Variants in ESRRB observed in about 807,000 individuals in gnomAD.
The protein encoded by ESRRB is estrogen related receptor beta.
A neutral mutation model predicts 46.0 loss-of-function variants in ESRRB; 16 were observed. The observed-to-expected ratio is 0.35, with a 90% CI of 0.24 to 0.53. The LOEUF (loss-of-function observed/expected upper bound fraction) is 0.53. ESRRB is among the 20% of genes least tolerant of loss of function. The probability of loss-of-function intolerance (pLI) is 0.93; values close to 1 mark genes in which losing one functional copy is unlikely to be tolerated. For synonymous variants in ESRRB, 246 were observed against 259.6 expected, an observed-to-expected ratio of 0.95 and a Z score of 0.50; for missense variants, 488 against 607.4, an observed-to-expected ratio of 0.80 and a Z score of 2.07.
Position 76,376,397 on chromosome 14 carries a change from G to A in ESRRB, c.-5G>A, listed in dbSNP as rs1323314713. 3 of 1,231,584 alleles carry A rather than the reference G, an allele frequency of 2.4e-6. No individual in the cohort carries two copies. The African/African-American group carries it at 4.7e-5, about 19-fold the overall frequency. The allele number at this position is 1,231,584 out of a possible 1,614,324, so 76.3% of individuals were successfully genotyped here. ...CTACCAACTGGGAATGCTAAAACGG[G>A]ACTGATGGACGTGTCCGAACTCTGC... On this transcript the variant is annotated 5_prime_UTR_variant, in exon 1 of 7. Transcript: ENST00000644823. This position sits in a 1 kb window ranked among gnomAD's most constrained non-coding sequence, Gnocchi z 4.1.
chr14:76,394,686 T>A (rs1885601631), intron 1 of ESRRB, among the ~76,000 whole-genome samples: 1 of 152,202 alleles, frequency 6.6e-6, no homozygotes, highest in Admixed American at 6.5e-5. Flanking sequence ...TTGCATCTTG[T>A]GGATGCAAAT....
intron 1 of ESRRB, among the ~76,000 whole-genome samples, chr14:76,325,702 G>A (rs1883921375): frequency 6.6e-6 from 1 of 152,138 alleles, no homozygotes; most frequent in Admixed American, 6.5e-5. Context: ...ACTCAAGCCT[G>A]GTTGCCTCTT....
intron 1 of ESRRB, among the ~76,000 whole-genome samples, chr14:76,352,718 G>T (rs1362809825): frequency 6.6e-6 from 1 of 152,232 alleles, no homozygotes; most frequent in Non-Finnish European, 1.5e-5. Flanking sequence ...GGTGAGTATT[G>T]TGTAAGTTTG....
chr14:76,345,412 T>C (rs1180519027), intron 1 of ESRRB, among the ~76,000 whole-genome samples: 1 of 152,072 alleles, frequency 6.6e-6, no homozygotes, highest in Non-Finnish European at 1.5e-5. Context: ...CAAAAGAAGA[T>C]ACACAAATGG....
intron 1 of ESRRB, among the ~76,000 whole-genome samples, chr14:76,325,122 G>A (rs574338144): frequency 7.2e-5 from 11 of 151,896 alleles, no homozygotes; most frequent in African/African-American, 1.7e-4. Flanking sequence ...GTGCCACCAC[G>A]CCTAGCTAAT....
At chr14:76,332,592 ATT>A (rs1884030512) in intron 1 of ESRRB, among the ~76,000 whole-genome samples, 1 of 24,898 alleles carries the variant, frequency 4.0e-5, no homozygotes, top group Non-Finnish European at 7.3e-5. Flanking sequence ...ATATTTATAT[ATT>A]ATATATTATA....
upstream of ESRRB, among the ~76,000 whole-genome samples, chr14:76,370,398 C>T (rs1413682042): frequency 7.5e-6 from 1 of 133,002 alleles, no homozygotes; most frequent in Non-Finnish European, 1.6e-5. Context: ...AACTCTGTCT[C>T]AAAAAAAAAA....
intron 1 of ESRRB, among the ~76,000 whole-genome samples, chr14:76,427,301 G>A (rs1566892318): frequency 6.6e-6 from 1 of 152,012 alleles, no homozygotes; most frequent in African/African-American, 2.4e-5. Context: ...GCAGATATAG[G>A]ATGTCTCTAA....
upstream of ESRRB, among the ~76,000 whole-genome samples, chr14:76,367,338 C>T (rs530975030): frequency 6.6e-6 from 1 of 152,152 alleles, no homozygotes; most frequent in South Asian, 2.1e-4. Flanking sequence ...TAGGATCACT[C>T]GAGCACAGGA....
At chr14:76,389,871 G>A (rs113643472) in intron 1 of ESRRB, among the ~76,000 whole-genome samples, 21 of 152,088 alleles carry the variant, frequency 1.4e-4, no homozygotes, top group Admixed American at 3.9e-4. Context: ...TTCACTTTAC[G>A]TTCTTGCCAT....
At chr14:76,348,638 T>C (rs1884277333) in intron 1 of ESRRB, among the ~76,000 whole-genome samples, 1 of 152,222 alleles carries the variant, frequency 6.6e-6, no homozygotes, top group Non-Finnish European at 1.5e-5. Context: ...ACAGGGATGC[T>C]ATAGAGCTTA....
intron 1 of ESRRB, among the ~76,000 whole-genome samples, chr14:76,324,965 T>TTTC (rs1883911317): frequency 7.7e-5 from 2 of 26,072 alleles, no homozygotes; most frequent in Non-Finnish European, 2.5e-4. Flanking sequence ...TTCTTTTTCT[T>TTTC]TTTTTTTTTT....
At chr14:76,396,435 T>G (rs1460652888) in intron 1 of ESRRB, among the ~76,000 whole-genome samples, 1 of 152,190 alleles carries the variant, frequency 6.6e-6, no homozygotes, top group Non-Finnish European at 1.5e-5. Context: ...ATCCTGGTAT[T>G]GGGAGAGATT....
rs1220332132 is a variant in ESRRB, at chr14:76,385,458, A to G, written c.50+9007A>G. ...CCAATCAGTCTTGTTGAGTTTAAGA[A>G]GGATTAGGAGAAAGGGTGTTTTTTC... On this transcript the variant is annotated intron_variant, in intron 1 of 6. Coordinates refer to ENST00000644823, the MANE Select transcript of ESRRB (RefSeq NM_001379180.1). Among the ~76,000 whole-genome samples the G allele has an allele frequency of 2.0e-5, 3 of 152,206 alleles. No homozygotes were observed. In the East Asian group the frequency reaches 5.8e-4, roughly 29 times the overall value.
intron 2 of ESRRB, among the ~76,000 whole-genome samples, chr14:76,453,454 A>C (rs1888476791): frequency 6.6e-6 from 1 of 152,204 alleles, no homozygotes; most frequent in African/African-American, 2.4e-5. Context: ...CTGTGAAAAA[A>C]ACATGAAAAC....
At chr14:76,318,249 T>TATTG (rs1883825336) in intron 1 of ESRRB, among the ~76,000 whole-genome samples, 1 of 152,038 alleles carries the variant, frequency 6.6e-6, no homozygotes, top group Non-Finnish European at 1.5e-5. Flanking sequence ...TTTAGCAGAG[T>TATTG]TGGAAGCGAG....
intron 1 of ESRRB, among the ~76,000 whole-genome samples, chr14:76,327,391 C>T (rs1211684932): frequency 1.3e-5 from 2 of 152,260 alleles, no homozygotes; most frequent in East Asian, 3.9e-4. Context: ...GATAGAGATG[C>T]TTGTTAAATT....
chr14:76,373,574 G>A (rs557275203), upstream of ESRRB, among the ~76,000 whole-genome samples: 3 of 152,316 alleles, frequency 2.0e-5, no homozygotes, highest in Admixed American at 1.3e-4. Flanking sequence ...AAGTTTGTCT[G>A]GAGAATCACA....
intron 3 of ESRRB, among the ~76,000 whole-genome samples, chr14:76,471,752 A>T (rs1254520318): frequency 6.6e-6 from 1 of 152,120 alleles, no homozygotes; most frequent in Admixed American, 6.6e-5. Flanking sequence ...TCAGTCTGAC[A>T]TTATCTTATT....
Sources: gnomAD v4.1 joint callset for allele counts (sites outside exome capture counted in the v4.1 genomes callset) on GRCh38, gnomAD v4.1.1 for gene constraint, Gnocchi (gnomAD v3.1) non-coding constraint, MANE v1.5 for transcripts, NCBI Gene and HGNC (gene_info 2026-07-23, HGNC 2026-07-21) for gene names.